ANKRD35: variants seen among roughly 807,000 people sequenced by gnomAD.
ANKRD35 encodes the protein ankyrin repeat domain-containing protein 35.
A neutral mutation model predicts 109.9 loss-of-function variants in ANKRD35; 102 were observed. The ratio of observed to expected loss-of-function variants is 0.93; its 90% CI spans 0.79 to 1.09. ANKRD35 has a LOEUF of 1.09. Among genes scored for constraint, ANKRD35 ranks in the 50% least tolerant of loss-of-function variants. The pLI is 0.00. For synonymous variants in ANKRD35, 515 were observed against 512.4 expected (o/e 1.01, Z -0.07); for missense variants, 1,240 against 1,230.1 (o/e 1.01, Z -0.12).
rs201815402 is a variant in ANKRD35, at chr1:145,873,240, C to A, written c.1529G>T (p.Arg510Leu). 6.2e-6 allele frequency: 10 copies of A among 1,614,178 alleles called. No homozygotes were observed. The African/African-American group carries it at 6.7e-5, about 11-fold the overall frequency. Residue 510 changes from arginine to leucine, a missense_variant, in exon 10 of 14, where the codon CGG becomes CTG. Transcript: ENST00000355594. ...CATGACCGGTCTTGACAAAGCCCCCCGGGCAGCATCCTTTTCTCGCCACAC... is the reference window on the plus strand; with the variant it reads ...CATGACCGGTCTTGACAAAGCCCCCAGGGCAGCATCCTTTTCTCGCCACAC... ...AAVWREKDAA[R>L]GALSRPVMEG...
Position 145,868,073 on chromosome 1 carries a change from A to G in ANKRD35, c.2878-17T>C. ...CTGGGAATCCTGGGAATGAACATCAATGGGAAGTCACATGTCCACCCTCAG... is the reference window on the plus strand; with the variant it reads ...CTGGGAATCCTGGGAATGAACATCAGTGGGAAGTCACATGTCCACCCTCAG... On this transcript the variant is annotated splice_polypyrimidine_tract_variant and intron_variant, in intron 11 of 13. Transcript: ENST00000355594. 3.7e-6 allele frequency: 6 copies of G among 1,613,252 alleles called. No homozygotes were observed. Among genetic ancestry groups the G allele is most frequent in the Non-Finnish European group, 5.1e-6 (6 of 1,179,330 alleles).
intron 1 of ANKRD35, among the ~76,000 whole-genome samples, chr1:145,883,426 C>T: frequency 6.6e-6 from 1 of 152,330 alleles, no homozygotes; most frequent in East Asian, 1.9e-4. Context: ...TGGTCTACTT[C>T]TGGTCTACCT....
In ANKRD35 at chr1:145,876,593, T is replaced by C. The variant is rs1479212066; in HGVS notation, c.429A>G (p.Glu143=). 22 of 1,613,996 alleles carry C rather than the reference T, an allele frequency of 1.4e-5. No individual in the cohort carries two copies. Among genetic ancestry groups the C allele is most frequent in the Non-Finnish European group, 1.9e-5 (22 of 1,180,028 alleles). ...CATTATCCAACACGTCCAGGAAGGC[T>C]TCGTGGTCACACAGCAGGAGCACAC... The part of the protein sequence containing the change: ...ASSVLLLCDH[E]AFLDVLDNDG... The change falls in exon 6 of 14, where the codon GAA becomes GAG. Residue 143 remains glutamate (E), a synonymous_variant. Coordinates refer to ENST00000355594, the MANE Select transcript of ANKRD35 (RefSeq NM_144698.5).
rs587619643 is a variant in ANKRD35, at chr1:145,879,383, C to T, written c.45G>A (p.Glu15=). ...FSCSSTQVAV[E]RWNRHDQKLL... ...GCTTCTGATCATGGCGGTTCCATCTCTCCACCTGGTCCAGAGCCACAGGTT... is the reference window on the plus strand; with the variant it reads ...GCTTCTGATCATGGCGGTTCCATCTTTCCACCTGGTCCAGAGCCACAGGTT... The change falls in exon 2 of 14, where the codon GAG becomes GAA. Residue 15 remains glutamate, a synonymous_variant. Transcript: ENST00000355594. 153 of 1,575,744 alleles carry T rather than the reference C, an allele frequency of 9.7e-5. 2 individuals carry two copies. In the South Asian group the frequency reaches 1.7e-3, roughly 18 times the overall value.
chr1:145,877,024 C>T (rs782207813), intron 4 of ANKRD35, 151 bp from the exon 5 acceptor site: 1 of 721,328 alleles, frequency 1.4e-6, no homozygotes, highest in South Asian at 1.8e-5. Flanking sequence ...CCCAGTTCAT[C>T]CATTGCTGAT....
intron 13 of ANKRD35, 125 bp from the exon 14 acceptor site, chr1:145,866,890 G>C (rs1653625793): frequency 1.1e-5 from 2 of 174,208 alleles, no homozygotes; most frequent in African/African-American, 4.8e-5. Flanking sequence ...ATCTGCATTG[G>C]GGTGGGGGGA....
Position 145,879,307 on chromosome 1 carries a change from A to C in ANKRD35, c.121T>G (p.Ser41Ala). 1 of 1,611,620 alleles carries C rather than the reference A, an allele frequency of 6.2e-7. No homozygotes were observed. Among genetic ancestry groups the C allele is most frequent in the South Asian group, 1.1e-5 (1 of 90,564 alleles). Residue 41 changes from serine to alanine, a missense_variant, in exon 2 of 14, where the codon TCC (serine) becomes GCC (alanine). By Grantham distance (99) the Ser-to-Ala change is moderately conservative. Transcript: ENST00000355594. ...GDVGRVAALA[S>A]RKSARPTKLD... ...TTGGTGGGTCGGGCAGATTTCCTGGAGGCCAGGGCAGCCACGCGTCCCACA... is the reference window on the plus strand; with the variant it reads ...TTGGTGGGTCGGGCAGATTTCCTGGCGGCCAGGGCAGCCACGCGTCCCACA...
chr1:145,880,828 T>C (rs1654258407), intron 1 of ANKRD35, among the ~76,000 whole-genome samples: 1 of 152,222 alleles, frequency 6.6e-6, no homozygotes, highest in Admixed American at 6.5e-5. Flanking sequence ...GTACAGAAGT[T>C]GTAACTTCTC....
chr1:145,885,811 GT>G lies in ANKRD35; in HGVS notation c.-54del. Reference sequence around the variant, plus strand: ...GGACGCGCAGAGAGCCGGGCCACAGGTTCCCGAACCCACCGGACTTGGCTGC... The same window carrying G: ...GGACGCGCAGAGAGCCGGGCCACAGGTCCCGAACCCACCGGACTTGGCTGC... On this transcript the variant is annotated 5_prime_UTR_variant, in exon 1 of 14. Transcript: ENST00000355594. 7.1e-7 allele frequency: 1 copy of G among 1,417,410 alleles called. No homozygotes were observed. 87.8% of individuals were successfully genotyped at this position (1,417,410 alleles called of 1,614,324 possible).
Position 145,874,337 on chromosome 1 carries a change from T to A in ANKRD35, c.746-145A>T. 4 of 903,670 alleles carry A rather than the reference T, an allele frequency of 4.4e-6. No homozygotes were observed. The South Asian group carries it at 6.3e-5, about 14-fold the overall frequency. The allele number at this position is 903,670 out of a possible 1,614,324, so 56.0% of individuals were successfully genotyped here. On this transcript the variant is annotated intron_variant, in intron 8 of 13. Coordinates refer to ENST00000355594, the MANE Select transcript of ANKRD35 (RefSeq NM_144698.5). ...ACATCTTCCTGGTGCCAGAAGCCAA[T>A]CTTGTTTAGTGGATCCCTAACTATC...
At chr1:145,878,110 ACG>A (rs1386495796) in intron 3 of ANKRD35, 78 bp from the exon 4 acceptor site, 7 of 1,319,200 alleles carry the variant, frequency 5.3e-6, no homozygotes, top group Non-Finnish European at 7.7e-6. Flanking sequence ...AAGGCAAGAG[ACG>A]CACAGATAAT....
rs587754952 is a variant in ANKRD35 at position 145,873,354 on chromosome 1, C to A, written c.1415G>T (p.Gly472Val). 1.7e-5 allele frequency: 28 copies of A among 1,614,200 alleles called. No individual in the cohort carries two copies. In the South Asian group the frequency reaches 2.6e-4, roughly 15 times the overall value. ...AGCCACTGTGCCTCCTGGTTCAACT[C>A]CTAGAACCTGGGAACTCTCCTTCTG... ...AGQKESSQVLGVEPGGTVAEP... is the reference protein window; with the variant it reads ...AGQKESSQVLVVEPGGTVAEP... The change falls in exon 10 of 14, where the codon GGA becomes GTA. Residue 472 changes from glycine (G) to valine (V), a missense_variant. Transcript: ENST00000355594.
chr1:145,872,884 C>T lies in ANKRD35; in HGVS notation c.1885G>A (p.Glu629Lys). Reference protein sequence around the residue: ...VLRLSNSNLLEELGELGRERQ... With the variant: ...VLRLSNSNLLKELGELGRERQ... ...TCCCGCCCCAACTCCCCTAACTCCTCCAGCAAGTTACTGTTGCTCAGTCTC... is the reference window on the plus strand; with the variant it reads ...TCCCGCCCCAACTCCCCTAACTCCTTCAGCAAGTTACTGTTGCTCAGTCTC... Residue 629 changes from glutamate to lysine, a missense_variant, in exon 10 of 14, where the codon GAG (glutamate) becomes AAG (lysine). Physicochemically the swap from Glu to Lys is moderately conservative, Grantham distance 56. Transcript: ENST00000355594. 1 of 1,614,158 alleles carries T rather than the reference C, an allele frequency of 6.2e-7. No homozygotes were observed. The highest frequency in any genetic ancestry group is 8.5e-7 in the Non-Finnish European group (1 of 1,180,034).
At chr1:145,875,038 T>C (rs966320190) in intron 7 of ANKRD35, 32 bp from the exon 8 acceptor site, 4 of 1,549,876 alleles carry the variant, frequency 2.6e-6, no homozygotes, top group Non-Finnish European at 1.7e-6. Flanking sequence ...AGCACAGACT[T>C]TCCACATGGA....
chr1:145,874,231 G>A (rs782069096), intron 8 of ANKRD35, 39 bp from the exon 9 acceptor site: 1 of 1,605,414 alleles, frequency 6.2e-7, no homozygotes, highest in Admixed American at 1.7e-5. Context: ...AGAGAAGACA[G>A]GTTCCATGTA....
intron 10 of ANKRD35, among the ~76,000 whole-genome samples, chr1:145,871,378 G>T (rs1384605014): frequency 6.6e-6 from 1 of 151,760 alleles, no homozygotes; most frequent in African/African-American, 2.4e-5. Flanking sequence ...GGTCAGGCTG[G>T]TCTCAAACCC....
At position 145,879,277 on chromosome 1, in the gene ANKRD35, C is replaced by T; in HGVS notation, c.151G>A (p.Asp51Asn). 1 of 1,609,606 alleles carries T rather than the reference C, an allele frequency of 6.2e-7. No individual in the cohort carries two copies. The highest frequency in any genetic ancestry group is 8.5e-7 in the Non-Finnish European group (1 of 1,178,074). Residue 51 changes from aspartate (D) to asparagine (N), a missense_variant, in exon 2 of 14, where the codon GAC becomes AAC. Asp to Asn is a conservative substitution (Grantham distance 23, BLOSUM62 1). Coordinates refer to ENST00000355594, the MANE Select transcript of ANKRD35 (RefSeq NM_144698.5). ...ACTTACGGGGACTGGCCATTCGAGT[C>T]AAGCTTGGTGGGTCGGGCAGATTTC... ...SRKSARPTKL[D>N]SNGQSPFHLA...
At chr1:145,880,045 C>T (rs1207734806) in intron 1 of ANKRD35, among the ~76,000 whole-genome samples, 3 of 152,100 alleles carry the variant, frequency 2.0e-5, no homozygotes, top group African/African-American at 7.2e-5. Flanking sequence ...CAACAACAAC[C>T]AAAAGGCAAA....
chr1:145,879,242 A>C lies in ANKRD35; in HGVS notation c.170+16T>G. ...GGAGCCACATGTAAGGGGCAGGGGC[A>C]GGAGGACTGACTTACGGGGACTGGC... On this transcript the variant is annotated intron_variant, in intron 2 of 13. Transcript: ENST00000355594. 2 of 1,585,538 alleles carry C rather than the reference A, an allele frequency of 1.3e-6. No individual in the cohort carries two copies. Among genetic ancestry groups the C allele is most frequent in the Non-Finnish European group, 1.7e-6 (2 of 1,164,878 alleles).
Sources: allele counts gnomAD v4.1 joint callset (sites outside exome capture counted in the v4.1 genomes callset), GRCh38; gene constraint gnomAD v4.1.1; transcripts MANE v1.5; gene names NCBI Gene and HGNC (gene_info 2026-07-23, HGNC 2026-07-21).